The following ZNF385B variants were observed in gnomAD, a reference collection of about 807,000 sequenced individuals.
ZNF385B encodes zinc finger protein 533.
In ZNF385B, 23 loss-of-function variants were observed where a neutral mutation model predicts 39.2. That is an observed-to-expected ratio of 0.59 (90% CI 0.42 to 0.83). ZNF385B has a LOEUF of 0.83. Among genes scored for constraint, ZNF385B ranks in the 40% least tolerant of loss-of-function variants. The probability of loss-of-function intolerance (pLI) is 0.00; values close to 1 mark genes in which losing one functional copy is unlikely to be tolerated. For missense variants in ZNF385B, 552 were observed against 598.9 expected (o/e 0.92, Z 0.82); for synonymous variants, 205 against 222.6 (o/e 0.92, Z 0.70).
At chr2:179,563,767 T>C (rs1684214218) in intron 3 of ZNF385B, among the ~76,000 whole-genome samples, 1 of 152,148 alleles carries the variant, frequency 6.6e-6, no homozygotes, top group Non-Finnish European at 1.5e-5. Context: ...ATGATTACAG[T>C]ATAATTATAG....
chr2:179,537,544 A>C (rs1385709502), intron 4 of ZNF385B, among the ~76,000 whole-genome samples: 1 of 152,042 alleles, frequency 6.6e-6, no homozygotes, highest in Non-Finnish European at 1.5e-5. Flanking sequence ...GTTCGAGACC[A>C]GTCTGGGCAA....
intron 6 of ZNF385B, among the ~76,000 whole-genome samples, chr2:179,469,831 C>T (rs1423523702): frequency 2.0e-5 from 3 of 152,198 alleles, no homozygotes; most frequent in Admixed American, 2.0e-4. Context: ...ATGGACTTGG[C>T]GCTATGAGCT....
chr2:179,457,967 G>A (rs779017795), intron 6 of ZNF385B, among the ~76,000 whole-genome samples: 12 of 152,154 alleles, frequency 7.9e-5, no homozygotes, highest in East Asian at 1.9e-4. Context: ...AAGGCTTCCC[G>A]AACCCTGAGC....
intron 3 of ZNF385B, among the ~76,000 whole-genome samples, chr2:179,761,633 C>T (rs186182782): frequency 6.6e-6 from 1 of 151,262 alleles, no homozygotes; most frequent in Non-Finnish European, 1.5e-5. Context: ...GTCTGGAGTA[C>T]AGTGGTGTGA....
chr2:179,801,692 C>T (rs1483350202), intron 1 of ZNF385B, among the ~76,000 whole-genome samples: 1 of 152,158 alleles, frequency 6.6e-6, no homozygotes, highest in African/African-American at 2.4e-5. Flanking sequence ...TGAAATGGAA[C>T]AATTACACAT....
intron 3 of ZNF385B, among the ~76,000 whole-genome samples, chr2:179,735,837 T>A (rs547059649): frequency 2.1e-5 from 3 of 140,584 alleles, no homozygotes; most frequent in East Asian, 4.2e-4. Flanking sequence ...AACAATGAGA[T>A]CACATGGACA....
rs528693203 is a variant in ZNF385B, at chr2:179,684,816, G to A, written c.298+84687C>T. Among the ~76,000 whole-genome samples, 28 of 152,276 alleles carry A rather than the reference G, an allele frequency of 1.8e-4. No homozygotes were observed. In the South Asian group the frequency reaches 5.0e-3, roughly 27 times the overall value. On this transcript the variant is annotated intron_variant, in intron 3 of 9. Transcript: ENST00000410066. ...ACACCCAAGGCAACCTACCCTCTCC[G>A]AGGATTTAGGAAACATACATGAACA...
chr2:179,807,227 A>G (rs1706408209), intron 1 of ZNF385B, among the ~76,000 whole-genome samples: 1 of 152,250 alleles, frequency 6.6e-6, no homozygotes, highest in Admixed American at 6.5e-5. Flanking sequence ...GCTATTCAAC[A>G]GCTGAAATGA....
intron 1 of ZNF385B, among the ~76,000 whole-genome samples, chr2:179,811,581 G>A (rs1441573429): frequency 2.0e-5 from 3 of 152,144 alleles, no homozygotes; most frequent in Non-Finnish European, 2.9e-5. Flanking sequence ...ATGGTGCTGA[G>A]ATAGCTGGCT....
intron 3 of ZNF385B, among the ~76,000 whole-genome samples, chr2:179,764,552 A>T (rs943402622): frequency 1.3e-5 from 2 of 151,914 alleles, no homozygotes; most frequent in Non-Finnish European, 2.9e-5. Context: ...GGTTTACTTG[A>T]ACACTTTTTA....
chr2:179,443,089 T>C lies in ZNF385B; in HGVS notation c.*161A>G, dbSNP rs1035696050. 5.1e-6 allele frequency: 4 copies of C among 779,746 alleles called. No homozygotes were observed. The African/African-American group carries it at 6.8e-5, about 13-fold the overall frequency. The allele number at this position is 779,746 out of a possible 1,614,324, so 48.3% of individuals were successfully genotyped here. A position where few individuals can be genotyped will look rare whatever the true frequency, so the allele number is the denominator to read the frequency against. On this transcript the variant is annotated 3_prime_UTR_variant, in exon 10 of 10. Coordinates refer to ENST00000410066, the MANE Select transcript of ZNF385B (RefSeq NM_152520.6). ...AGCAGTCTCTAAAAGCCCTCGTCAA[T>C]CTAGTGATGTGTTTCTCTCTGGAAT...
At chr2:179,479,347 C>T (rs1401978567) in intron 6 of ZNF385B, among the ~76,000 whole-genome samples, 4 of 152,114 alleles carry the variant, frequency 2.6e-5, no homozygotes, top group Non-Finnish European at 5.9e-5. Context: ...TTTTTATACA[C>T]AATAGCTCCA....
intron 6 of ZNF385B, 129 bp downstream of exon 6, chr2:179,483,143 G>A (rs1041218241): frequency 9.8e-7 from 1 of 1,020,578 alleles, no homozygotes; most frequent in Non-Finnish European, 1.4e-6. Flanking sequence ...TTCCCGTGAA[G>A]AAAACATATT....
At chr2:179,755,086 T>G (rs952273221) in intron 3 of ZNF385B, among the ~76,000 whole-genome samples, 13 of 152,224 alleles carry the variant, frequency 8.5e-5, no homozygotes, top group Admixed American at 7.2e-4. Flanking sequence ...TAAATTTCCC[T>G]CTACACACTG....
chr2:179,445,526 G>A lies in ZNF385B; in HGVS notation c.1140+24C>T, dbSNP rs550013533. ...TCAAGTGGTGACCTAAAACAATAAT[G>A]TTTACTAATTCAGGATACGTTACCT... On this transcript the variant is annotated intron_variant, in intron 8 of 9. Transcript: ENST00000410066. The A allele has an allele frequency of 2.0e-5, 32 of 1,593,692 alleles. No individual in the cohort carries two copies. The South Asian group carries it at 3.7e-4, about 18-fold the overall frequency.
intron 3 of ZNF385B, among the ~76,000 whole-genome samples, chr2:179,622,486 A>G (rs1478825484): frequency 6.6e-6 from 1 of 152,186 alleles, no homozygotes; most frequent in Non-Finnish European, 1.5e-5. Context: ...GAGGTAACAA[A>G]GTTAAAAATA....
chr2:179,455,884 A>C (rs2050651342), intron 6 of ZNF385B, among the ~76,000 whole-genome samples: 1 of 65,282 alleles, frequency 1.5e-5, no homozygotes, highest in Non-Finnish European at 3.4e-5. Context: ...CATCTCAAAA[A>C]AAAAAAAAAA....
intron 4 of ZNF385B, chr2:179,534,572 G>C (rs370887296): frequency 5.9e-5 from 9 of 151,960 alleles, no homozygotes; most frequent in African/African-American, 2.2e-4. Context: ...AAAATAGGAA[G>C]GTATTACATC....
intron 3 of ZNF385B, among the ~76,000 whole-genome samples, chr2:179,667,226 T>C (rs1695284741): frequency 6.6e-6 from 1 of 152,152 alleles, no homozygotes; most frequent in African/African-American, 2.4e-5. Context: ...TACATTAACA[T>C]TCAGTAATGC....
Sources: allele counts gnomAD v4.1 joint callset (sites outside exome capture counted in the v4.1 genomes callset), GRCh38; gene constraint gnomAD v4.1.1; transcripts MANE v1.5; gene names NCBI Gene and HGNC (gene_info 2026-07-23, HGNC 2026-07-21).